Variants in UBXN2A observed in about 807,000 individuals in gnomAD.
UBXN2A encodes UBX domain protein 2A, also known as UBX domain-containing protein 2A.
In UBXN2A, 28 loss-of-function variants were observed where a neutral mutation model predicts 28.4. That is an observed-to-expected ratio of 0.99 (90% CI 0.73 to 1.35). The LOEUF (loss-of-function observed/expected upper bound fraction) is 1.35, where lower values mean the gene tolerates loss of function less well. Among genes scored for constraint, UBXN2A ranks in the 40% most tolerant of loss-of-function variants. The pLI is 0.00. For synonymous variants in UBXN2A, 97 were observed against 103.6 expected, an observed-to-expected ratio of 0.94 and a Z score of 0.39; for missense variants, 253 against 297.9, an observed-to-expected ratio of 0.85 and a Z score of 1.11.
intron 6 of UBXN2A, among the ~76,000 whole-genome samples, chr2:23,995,028 A>C (rs1708477315): frequency 6.6e-6 from 1 of 152,176 alleles, no homozygotes; most frequent in Non-Finnish European, 1.5e-5. Context: ...GAGCTGCTAG[A>C]ATCTCTCCTC....
At chr2:23,982,761 T>G in intron 4 of UBXN2A, 135 bp from the exon 5 acceptor site, 1 of 904,208 alleles carries the variant, frequency 1.1e-6, no homozygotes, top group Non-Finnish European at 1.5e-6. Context: ...TTTGAATACA[T>G]TTAGTTATTT....
At chr2:23,950,527 T>C (rs926203185) in intron 1 of UBXN2A, among the ~76,000 whole-genome samples, 2 of 150,060 alleles carry the variant, frequency 1.3e-5, no homozygotes, top group Non-Finnish European at 3.0e-5. Flanking sequence ...CCTCAGCCTC[T>C]TGGTAGCTGG....
chr2:23,993,674 A>AT lies in UBXN2A; in HGVS notation c.585-5991dup, dbSNP rs1246328430. Among the ~76,000 whole-genome samples the AT allele has an allele frequency of 9.8e-4, 146 of 148,510 alleles. 1 individual carries two copies. The highest frequency in any genetic ancestry group is 3.4e-3 in the African/African-American group (138 of 40,768). On this transcript the variant is annotated intron_variant, in intron 6 of 6. Transcript: ENST00000309033. The stretch of plus-strand genomic sequence containing the variant: ...AACAATTATGCTTAGTATCTCTTAA[A>AT]TTTTTTTAATTTTTTAATTTTTTTT...
chr2:23,966,260 T>G lies in UBXN2A; in HGVS notation c.42-5016T>G, dbSNP rs537663209. Among the ~76,000 whole-genome samples the G allele has an allele frequency of 2.0e-5, 3 of 152,150 alleles. No homozygotes were observed. The South Asian group carries it at 6.2e-4, about 32-fold the overall frequency. On this transcript the variant is annotated intron_variant, in intron 2 of 6. Transcript: ENST00000309033. ...TTCAAGCATTTCTCCTGCCTCAGCT[T>G]CCCAAGTAGCTGGGACTACAGGCAC...
intron 4 of UBXN2A, among the ~76,000 whole-genome samples, chr2:23,982,087 C>T (rs958185350): frequency 3.3e-5 from 5 of 149,720 alleles, no homozygotes; most frequent in Non-Finnish European, 7.4e-5. Flanking sequence ...TTTCCAGGCA[C>T]GGTGGCTCAC....
chr2:23,995,406 C>G (rs1708490846), intron 6 of UBXN2A, among the ~76,000 whole-genome samples: 1 of 151,914 alleles, frequency 6.6e-6, no homozygotes, highest in South Asian at 2.1e-4. Context: ...ATGTAATGTC[C>G]CAATAAGCCC....
intron 6 of UBXN2A, among the ~76,000 whole-genome samples, chr2:23,995,514 AC>A (rs1225120028): frequency 6.6e-6 from 1 of 151,580 alleles, no homozygotes; most frequent in Non-Finnish European, 1.5e-5. Flanking sequence ...ACATGGTGAA[AC>A]CCCGGATCTA....
At chr2:23,963,858 G>T (rs1226871424) in intron 2 of UBXN2A, among the ~76,000 whole-genome samples, 2 of 152,184 alleles carry the variant, frequency 1.3e-5, no homozygotes, top group Non-Finnish European at 2.9e-5. Context: ...ACTGGGTGCC[G>T]TGGCTCACAT....
At chr2:23,958,265 A>G (rs1315870387) in intron 1 of UBXN2A, 36 bp from the exon 2 acceptor site, 1 of 1,548,978 alleles carries the variant, frequency 6.5e-7, no homozygotes, top group Non-Finnish European at 8.7e-7. Flanking sequence ...CTTTTTACTT[A>G]CTTTCTTTTT....
At position 24,000,592 on chromosome 2, in the gene UBXN2A, A is replaced by G. The variant is rs1204175372; in HGVS notation, c.*725A>G. ...AATATAAATAATTGTGGCCGGGTGC[A>G]ATGGCTCATGCCTGTAATCCCAGCA... On this transcript the variant is annotated 3_prime_UTR_variant, in exon 7 of 7. Transcript: ENST00000309033. 1.3e-5 allele frequency: 2 copies of G among 152,090 alleles called. No individual in the cohort carries two copies. Among genetic ancestry groups the G allele is most frequent in the African/African-American group, 4.8e-5 (2 of 41,406 alleles). The allele number at this position is 152,090 out of a possible 1,614,324, so 9.4% of individuals were successfully genotyped here.
chr2:23,948,602 G>C (rs1427626506), intron 1 of UBXN2A, among the ~76,000 whole-genome samples: 1 of 152,154 alleles, frequency 6.6e-6, no homozygotes, highest in African/African-American at 2.4e-5. Context: ...AGAAAAAGGA[G>C]TATAACACTG....
At chr2:23,934,838 C>T (rs1324262465) in intron 1 of UBXN2A, among the ~76,000 whole-genome samples, 1 of 152,034 alleles carries the variant, frequency 6.6e-6, no homozygotes, top group African/African-American at 2.4e-5. Flanking sequence ...CTTTGGGAGC[C>T]CAAGGTGGGC....
At chr2:23,962,602 A>ATT (rs1706977569) in intron 2 of UBXN2A, among the ~76,000 whole-genome samples, 1 of 133,892 alleles carries the variant, frequency 7.5e-6, no homozygotes, top group Non-Finnish European at 1.7e-5. Context: ...TCCTTTTTTT[A>ATT]TTCTTTTTTT....
chr2:23,987,535 T>C (rs761219724), intron 6 of UBXN2A, among the ~76,000 whole-genome samples: 3 of 152,006 alleles, frequency 2.0e-5, no homozygotes, highest in Non-Finnish European at 4.4e-5. Context: ...TCCCAGCACT[T>C]TGGGAGGCCG....
rs866745764 is a variant in UBXN2A, at chr2:23,951,447, T to G, written c.-14-6854T>G. Among the ~76,000 whole-genome samples, 192 of 134,456 alleles carry G rather than the reference T, an allele frequency of 1.4e-3. 4 individuals carry two copies. The highest frequency in any genetic ancestry group is 3.7e-3 in the African/African-American group (131 of 35,378). 88.2% of individuals were successfully genotyped at this position (134,456 alleles called of 152,430 possible). A position where few individuals can be genotyped will look rare whatever the true frequency, so the allele number is the denominator to read the frequency against. On this transcript the variant is annotated intron_variant, in intron 1 of 6. Transcript: ENST00000309033. ...ATATATATATATATATATATATATA[T>G]ATATATATATATATATAGTTTTGTT...
chr2:23,982,685 G>A (rs1208344085), intron 4 of UBXN2A, among the ~76,000 whole-genome samples: 2 of 152,086 alleles, frequency 1.3e-5, no homozygotes, highest in Non-Finnish European at 2.9e-5. Context: ...TGCTGTTCAT[G>A]AGCTTATGGT....
intron 1 of UBXN2A, among the ~76,000 whole-genome samples, chr2:23,949,255 C>A (rs897452014): frequency 2.0e-5 from 3 of 151,832 alleles, no homozygotes; most frequent in Non-Finnish European, 4.4e-5. Context: ...AGCCACCACA[C>A]CCAACCCTCT....
intron 1 of UBXN2A, among the ~76,000 whole-genome samples, chr2:23,957,572 C>A (rs976113956): frequency 6.6e-6 from 1 of 152,036 alleles, no homozygotes; most frequent in East Asian, 1.9e-4. Context: ...CTGTGGCTCA[C>A]ACCTGTAATC....
chr2:23,944,214 C>T (rs1705920271), intron 1 of UBXN2A: 3 of 1,567,650 alleles, frequency 1.9e-6, no homozygotes, highest in Non-Finnish European at 2.6e-6. Flanking sequence ...CGTCTTCCCT[C>T]TCATGTATCA....
Sources: allele counts gnomAD v4.1 joint callset (sites outside exome capture counted in the v4.1 genomes callset), GRCh38; gene constraint gnomAD v4.1.1; transcripts MANE v1.5; gene names NCBI Gene and HGNC (gene_info 2026-07-23, HGNC 2026-07-21).